COMMD10: variants seen among roughly 807,000 people sequenced by gnomAD.
The protein encoded by COMMD10 is COMM domain-containing protein 10.
In COMMD10, 33 loss-of-function variants were observed where a neutral mutation model predicts 28.9. The observed-to-expected ratio is 1.14, with a 90% confidence interval of 0.87 to 1.53. The LOEUF (loss-of-function observed/expected upper bound fraction) is 1.53. COMMD10 is among the 40% of genes most tolerant of loss of function. COMMD10 has a pLI of 0.00. For missense variants in COMMD10, 310 were observed against 233.4 expected, an observed-to-expected ratio of 1.33 and a Z score of -2.14; for synonymous variants, 110 against 81.7, an observed-to-expected ratio of 1.35 and a Z score of -1.87.
intron 4 of COMMD10, among the ~76,000 whole-genome samples, chr5:116,095,607 C>A (rs962065310): frequency 1.3e-5 from 2 of 152,026 alleles, no homozygotes; most frequent in Admixed American, 6.6e-5. Context: ...CAGTATCTTT[C>A]CCAGAACAGA....
intron 4 of COMMD10, among the ~76,000 whole-genome samples, chr5:116,133,069 T>G (rs961298900): frequency 1.3e-5 from 2 of 152,148 alleles, no homozygotes; most frequent in Non-Finnish European, 2.9e-5. Flanking sequence ...ATTAAGTGAT[T>G]AGTATTCTAG....
intron 4 of COMMD10, among the ~76,000 whole-genome samples, chr5:116,123,936 T>A (rs576465544): frequency 1.3e-4 from 19 of 151,722 alleles, no homozygotes; most frequent in African/African-American, 3.1e-4. Flanking sequence ...CATTTTTTTT[T>A]ATCTATTTGA....
chr5:116,260,523 A>G (rs994975276), intron 5 of COMMD10, among the ~76,000 whole-genome samples: 1 of 151,834 alleles, frequency 6.6e-6, no homozygotes, highest in African/African-American at 2.4e-5. Context: ...TGTAAATTCT[A>G]ACTTAACCAA....
chr5:116,102,516 T>C (rs1750697601), intron 4 of COMMD10, among the ~76,000 whole-genome samples: 3 of 152,174 alleles, frequency 2.0e-5, no homozygotes, highest in Admixed American at 2.0e-4. Context: ...TTCTTTTTGC[T>C]TAGGACTGCT....
intron 5 of COMMD10, among the ~76,000 whole-genome samples, chr5:116,169,998 G>A (rs1254367331): frequency 6.6e-6 from 1 of 151,816 alleles, no homozygotes; most frequent in African/African-American, 2.4e-5. Context: ...GGGCAATCAG[G>A]GAAGAGAAAA....
intron 5 of COMMD10, among the ~76,000 whole-genome samples, chr5:116,260,437 T>C (rs1750412785): frequency 6.6e-6 from 1 of 151,876 alleles, no homozygotes; most frequent in Admixed American, 6.6e-5. Context: ...GCAAATGGAT[T>C]GTTTTGACAT....
intron 4 of COMMD10, among the ~76,000 whole-genome samples, chr5:116,117,040 A>G (rs1751264172): frequency 6.6e-6 from 1 of 152,192 alleles, no homozygotes; most frequent in Non-Finnish European, 1.5e-5. Context: ...ATGGACTCAT[A>G]TAATATGTAT....
intron 5 of COMMD10, among the ~76,000 whole-genome samples, chr5:116,232,779 A>G (rs376600444): frequency 2.6e-5 from 4 of 152,190 alleles, no homozygotes; most frequent in East Asian, 3.8e-4. Context: ...TTCATTAGAC[A>G]TGAAATTACA....
At chr5:116,176,214 C>T (rs1753506330) in intron 5 of COMMD10, among the ~76,000 whole-genome samples, 1 of 152,158 alleles carries the variant, frequency 6.6e-6, no homozygotes, top group Non-Finnish European at 1.5e-5. Flanking sequence ...AAGATTCAAG[C>T]AATTCTCATG....
chr5:116,262,758 C>T (rs1341930200), intron 5 of COMMD10, among the ~76,000 whole-genome samples: 1 of 151,778 alleles, frequency 6.6e-6, no homozygotes. Context: ...CCTCATTACT[C>T]ATTCCCAAAA....
intron 5 of COMMD10, among the ~76,000 whole-genome samples, chr5:116,246,166 C>T (rs1749947794): frequency 6.6e-6 from 1 of 152,046 alleles, no homozygotes; most frequent in Non-Finnish European, 1.5e-5. Context: ...GTGCAAAAAT[C>T]GCTAGGATTC....
rs554822902 is a variant in COMMD10, at chr5:116,187,547, T to G, written c.510+53369T>G. On this transcript the variant is annotated intron_variant, in intron 5 of 6. Coordinates refer to ENST00000274458, the MANE Select transcript of COMMD10 (RefSeq NM_016144.4). ...TATGGCTGTAACAAAGAAGAGTGAT[T>G]TGGACTACTGCTACAAAGTAGGTTA... Among the ~76,000 whole-genome samples the G allele has an allele frequency of 2.2e-3, 337 of 152,184 alleles. 4 individuals carry two copies. The highest frequency in any genetic ancestry group is 7.8e-3 in the African/African-American group (325 of 41,540).
intron 5 of COMMD10, among the ~76,000 whole-genome samples, chr5:116,247,274 C>A (rs62385975): frequency 0.073 from 11,063 of 151,808 alleles, 474 homozygotes; most frequent in Admixed American, 0.13. Context: ...CAATGAGATA[C>A]CCATCTCAGT....
intron 5 of COMMD10, among the ~76,000 whole-genome samples, chr5:116,231,986 G>A (rs556087377): frequency 6.6e-6 from 1 of 152,192 alleles, no homozygotes; most frequent in African/African-American, 2.4e-5. Flanking sequence ...CCATGGCAAA[G>A]GGGTCATCTA....
intron 5 of COMMD10, among the ~76,000 whole-genome samples, chr5:116,243,564 C>T (rs755908476): frequency 6.6e-6 from 1 of 152,004 alleles, no homozygotes; most frequent in Non-Finnish European, 1.5e-5. Flanking sequence ...ATAGTTCAGC[C>T]AAAAATAAAC....
chr5:116,125,069 G>A (rs1210023949), intron 4 of COMMD10, among the ~76,000 whole-genome samples: 2 of 152,084 alleles, frequency 1.3e-5, no homozygotes, highest in Non-Finnish European at 2.9e-5. Context: ...CGTTAATATT[G>A]TTATGTGTGA....
intron 5 of COMMD10, among the ~76,000 whole-genome samples, chr5:116,148,112 A>G (rs947909944): frequency 6.6e-5 from 10 of 151,888 alleles, no homozygotes; most frequent in Non-Finnish European, 1.3e-4. Context: ...TTAAAATACT[A>G]TATACTAACA....
In COMMD10 at chr5:116,292,818, C is replaced by T; in HGVS notation, c.*329C>T. On this transcript the variant is annotated 3_prime_UTR_variant, in exon 7 of 7. Coordinates refer to ENST00000274458, the MANE Select transcript of COMMD10 (RefSeq NM_016144.4). Reference sequence around the variant, plus strand: ...CTTAGTTTTTACTTGCTGGATGATACCATAATGTATCAAGGAGCGTCCATG... The same window carrying T: ...CTTAGTTTTTACTTGCTGGATGATATCATAATGTATCAAGGAGCGTCCATG... 1 of 397,600 alleles carries T rather than the reference C, an allele frequency of 2.5e-6. No individual in the cohort carries two copies. Among genetic ancestry groups the T allele is most frequent in the Non-Finnish European group, 4.4e-6 (1 of 225,732 alleles). 24.6% of individuals were successfully genotyped at this position (397,600 alleles called of 1,614,324 possible). A position where few individuals can be genotyped will look rare whatever the true frequency, so the allele number is the denominator to read the frequency against.
chr5:116,087,733 A>G (rs1750155153), intron 2 of COMMD10, 146 bp downstream of exon 2: 4 of 616,928 alleles, frequency 6.5e-6, no homozygotes, highest in African/African-American at 3.7e-5. Flanking sequence ...GTAATGTTTC[A>G]TGGTCAGAAG....
Sources: gnomAD v4.1 joint callset for allele counts (sites outside exome capture counted in the v4.1 genomes callset) on GRCh38, gnomAD v4.1.1 for gene constraint, MANE v1.5 for transcripts, NCBI Gene and HGNC (gene_info 2026-07-23, HGNC 2026-07-21) for gene names.